Variants in SCD5 observed in about 807,000 individuals in gnomAD.
SCD5 encodes the protein stearoyl-CoA desaturase 5, also known as acyl-CoA-desaturase 4.
Under a neutral mutation model 30.4 loss-of-function variants are expected in SCD5, and 20 were observed. The ratio of observed to expected loss-of-function variants is 0.66; its 90% CI spans 0.46 to 0.96. The LOEUF (loss-of-function observed/expected upper bound fraction) is 0.96. SCD5 is among the 40% of genes least tolerant of loss of function. SCD5 has a pLI of 0.00. For synonymous variants in SCD5, 173 were observed against 176.4 expected, an observed-to-expected ratio of 0.98 and a Z score of 0.16; for missense variants, 381 against 443.3, an observed-to-expected ratio of 0.86 and a Z score of 1.26.
chr4:82,653,211 CTG>C (rs1727792672), intron 3 of SCD5, among the ~76,000 whole-genome samples: 1 of 152,164 alleles, frequency 6.6e-6, no homozygotes, highest in African/African-American at 2.4e-5. Flanking sequence ...TCTAATACAA[CTG>C]TAACCAAACT....
intron 1 of SCD5, among the ~76,000 whole-genome samples, chr4:82,710,618 C>T (rs925001): frequency 0.34 from 51,348 of 151,942 alleles, 10,214 homozygotes; most frequent in Admixed American, 0.45. Flanking sequence ...GAGAGGGTGA[C>T]CCCTGGGTTG....
intron 3 of SCD5, among the ~76,000 whole-genome samples, chr4:82,679,506 A>AT (rs1728523601): frequency 6.6e-6 from 1 of 152,194 alleles, no homozygotes; most frequent in Admixed American, 6.5e-5. Context: ...AATGGCTGAC[A>AT]TTCACGAAGC....
At chr4:82,762,519 A>G (rs1252265741) in intron 1 of SCD5, among the ~76,000 whole-genome samples, 1 of 152,220 alleles carries the variant, frequency 6.6e-6, no homozygotes, top group Non-Finnish European at 1.5e-5. Context: ...CTGGGATTAC[A>G]GGCGTGAGCC....
rs574772768 is a variant in SCD5 at position 82,664,028 on chromosome 4, A to C, written c.569+16679T>G. On this transcript the variant is annotated intron_variant, in intron 3 of 4. Coordinates refer to ENST00000319540, the MANE Select transcript of SCD5 (RefSeq NM_001037582.3). ...AATGAAGAAACCCTCTACTCTTATA[A>C]ACAGCCATGCACAGAGACACAAACA... is the stretch of plus-strand genomic sequence containing the variant. 4.6e-5 allele frequency among the ~76,000 whole-genome samples: 7 copies of C among 152,302 alleles called. No homozygotes were observed. The South Asian group carries it at 1.5e-3, about 32-fold the overall frequency.
intron 1 of SCD5, among the ~76,000 whole-genome samples, chr4:82,784,980 G>A (rs538901097): frequency 2.0e-5 from 3 of 152,158 alleles, no homozygotes; most frequent in Non-Finnish European, 4.4e-5. Flanking sequence ...AGCCACAGTG[G>A]AGCACACTAA....
intron 1 of SCD5, among the ~76,000 whole-genome samples, chr4:82,749,597 T>C (rs1022675595): frequency 2.0e-5 from 3 of 152,262 alleles, no homozygotes; most frequent in African/African-American, 7.2e-5. Context: ...TGTTTCCTTC[T>C]TAGAAACAGC....
At chr4:82,703,585 C>T (rs1719904837) in intron 2 of SCD5, among the ~76,000 whole-genome samples, 1 of 152,044 alleles carries the variant, frequency 6.6e-6, no homozygotes, top group African/African-American at 2.4e-5. Flanking sequence ...TACTTTCTCC[C>T]TAAAATAAAT....
chr4:82,720,450 A>T (rs559832245), intron 1 of SCD5, among the ~76,000 whole-genome samples: 35 of 148,370 alleles, frequency 2.4e-4, no homozygotes, highest in South Asian at 6.3e-4. Flanking sequence ...ATAAAAAAAA[A>T]AAAAAAAAAA....
At chr4:82,772,358 G>A (rs190153889) in intron 1 of SCD5, among the ~76,000 whole-genome samples, 1 of 152,272 alleles carries the variant, frequency 6.6e-6, no homozygotes, top group Admixed American at 6.5e-5. Flanking sequence ...GAGTCTCTTG[G>A]GCATATAAGT....
intron 1 of SCD5, among the ~76,000 whole-genome samples, chr4:82,751,625 T>C (rs564245797): frequency 6.8e-6 from 1 of 146,914 alleles, no homozygotes; most frequent in East Asian, 1.9e-4. Context: ...TACTTTTATT[T>C]AGTTAGTTAG....
chr4:82,680,630 T>A (rs1191744708), intron 3 of SCD5, 77 bp downstream of exon 3: 2 of 1,321,380 alleles, frequency 1.5e-6, no homozygotes, highest in East Asian at 4.6e-5. Flanking sequence ...CGCTATGGGG[T>A]TATGAGTCCA....
At chr4:82,684,924 T>C (rs1489991632) in intron 2 of SCD5, among the ~76,000 whole-genome samples, 1 of 152,218 alleles carries the variant, frequency 6.6e-6, no homozygotes, top group African/African-American at 2.4e-5. Flanking sequence ...TCATGTTCCA[T>C]GTACATATTC....
At chr4:82,772,734 G>A (rs1560559246) in intron 1 of SCD5, among the ~76,000 whole-genome samples, 3 of 152,116 alleles carry the variant, frequency 2.0e-5, no homozygotes, top group African/African-American at 4.8e-5. Flanking sequence ...CCCTAGGTGG[G>A]GTGCTCCCCC....
At chr4:82,764,915 C>G (rs1168501219) in intron 1 of SCD5, among the ~76,000 whole-genome samples, 1 of 152,070 alleles carries the variant, frequency 6.6e-6, no homozygotes, top group Non-Finnish European at 1.5e-5. Flanking sequence ...TTAGAAGAGA[C>G]AGTGTTTCAC....
At position 82,798,424 on chromosome 4, in the gene SCD5, C is replaced by T. The variant is rs775568525; in HGVS notation, c.114G>A (p.Ala38=). 2.5e-5 allele frequency: 41 copies of T among 1,613,190 alleles called. 1 individual carries two copies. In the Admixed American group the frequency reaches 6.0e-4, roughly 24 times the overall value. Residue 38 remains alanine (A), a synonymous_variant, in exon 1 of 5, where the codon GCG becomes GCA. Transcript: ENST00000319540. ...EGGGGPERPG[A]RGQRQNIVWR... The stretch of plus-strand genomic sequence containing the variant: ...AGACGATGTTCTGCCGCTGCCCGCG[C>T]GCGCCTGGCCTCTCCGGGCCGCCGC...
chr4:82,645,487 T>C (rs1727619524), intron 3 of SCD5, among the ~76,000 whole-genome samples: 1 of 152,224 alleles, frequency 6.6e-6, no homozygotes. Context: ...AGGTTATTTC[T>C]AGAGCAGCAT....
chr4:82,675,315 AAC>A, intron 3 of SCD5, among the ~76,000 whole-genome samples: 1 of 152,298 alleles, frequency 6.6e-6, no homozygotes, highest in South Asian at 2.1e-4. Context: ...CTTTAAAAAC[AAC>A]AAAAAAGAGG....
chr4:82,795,640 G>T (rs1360047247), intron 1 of SCD5, among the ~76,000 whole-genome samples: 1 of 151,408 alleles, frequency 6.6e-6, no homozygotes. Flanking sequence ...AACATGGTGA[G>T]ACCCCCATCT....
intron 2 of SCD5, among the ~76,000 whole-genome samples, chr4:82,699,571 T>TTTTTTG (rs1491112872): frequency 4.5e-4 from 1 of 2,210 alleles, no homozygotes; most frequent in East Asian, 0.056. Flanking sequence ...TTGTTTTTTG[T>TTTTTTG]TTTTTTTTTT....
Sources: gnomAD v4.1 joint callset for allele counts (sites outside exome capture counted in the v4.1 genomes callset) on GRCh38, gnomAD v4.1.1 for gene constraint, MANE v1.5 for transcripts, NCBI Gene and HGNC (gene_info 2026-07-23, HGNC 2026-07-21) for gene names.